MRE11: variants seen among roughly 807,000 people sequenced by gnomAD.
MRE11 encodes MRE11 double strand break repair nuclease.
A neutral mutation model predicts 91.7 loss-of-function variants in MRE11; 62 were observed. The observed-to-expected ratio is 0.68, with a 90% CI of 0.55 to 0.84. The LOEUF (loss-of-function observed/expected upper bound fraction) is 0.84, where lower values mean the gene tolerates loss of function less well. MRE11 is among the 40% of genes least tolerant of loss of function. The pLI is 0.00. For synonymous variants in MRE11, 273 were observed against 271.4 expected (o/e 1.01, Z -0.06); for missense variants, 796 against 852.9 (o/e 0.93, Z 0.83).
chr11:94,476,629 C>T (rs375117321), intron 6 of MRE11, among the ~76,000 whole-genome samples: 52 of 152,056 alleles, frequency 3.4e-4, no homozygotes, highest in East Asian at 1.9e-3. Flanking sequence ...TGGTCTCAAA[C>T]TCCTGGGCTC....
rs1253158974 is a variant in MRE11, at chr11:94,419,459, G to GGGGAGAGAGA, written c.*665_*666insTCTCTCTCCC. ...AGAAAGGAAGAGTGGGGAACGGGGG[G>GGGGAGAGAGA]GAGAGGGAGAGAGAGAGAGAGAGAG... On this transcript the variant is annotated 3_prime_UTR_variant, in exon 20 of 20. Transcript: ENST00000323929. 1.6e-5 allele frequency: 3 copies of GGGGAGAGAGA among 183,578 alleles called. No homozygotes were observed. The highest frequency in any genetic ancestry group is 7.1e-5 in the East Asian group (1 of 13,992). 11.4% of individuals were successfully genotyped at this position (183,578 alleles called of 1,614,324 possible). A position where few individuals can be genotyped will look rare whatever the true frequency, so the allele number is the denominator to read the frequency against.
Position 94,419,060 on chromosome 11 carries a change from T to C in MRE11, c.*1065A>G, listed in dbSNP as rs1008214423. On this transcript the variant is annotated 3_prime_UTR_variant, in exon 20 of 20. Coordinates refer to ENST00000323929, the MANE Select transcript of MRE11 (RefSeq NM_005591.4). ...CGCATAAAACTAGAAGAAGGAATAATCTCAGGGATCTTTTTACAGAGGATT... is the reference window on the plus strand; with the variant it reads ...CGCATAAAACTAGAAGAAGGAATAACCTCAGGGATCTTTTTACAGAGGATT... The C allele has an allele frequency of 4.3e-6, 1 of 231,948 alleles. No homozygotes were observed. Among genetic ancestry groups the C allele is most frequent in the Non-Finnish European group, 8.5e-6 (1 of 117,438 alleles). The allele number at this position is 231,948 out of a possible 1,614,324, so 14.4% of individuals were successfully genotyped here.
the MRE11 span, among the ~76,000 whole-genome samples, chr11:94,510,079 G>A: frequency 6.6e-6 from 1 of 152,020 alleles, no homozygotes; most frequent in African/African-American, 2.4e-5. Context: ...GACAGAACTG[G>A]TGTTATTTCA....
chr11:94,476,402 T>A lies in MRE11; in HGVS notation c.546A>T (p.Gly182=), dbSNP rs1279893053. The change falls in exon 7 of 20, where the codon GGA becomes GGT. Residue 182 remains glycine (G), a splice_region_variant and synonymous_variant. Coordinates refer to ENST00000323929, the MANE Select transcript of MRE11 (RefSeq NM_005591.4). ...GATAGAGCCTTTCATCTGGAATGGA[T>A]CCTGAAATGGACATTACATTATTTT... The part of the protein sequence containing the change: ...GSTKIALYGL[G]SIPDERLYRM... The A allele has an allele frequency of 1.3e-6, 2 of 1,571,898 alleles. No individual in the cohort carries two copies. Among genetic ancestry groups the A allele is most frequent in the South Asian group, 2.2e-5 (2 of 90,152 alleles).
At chr11:94,486,668 C>G (rs531808845) in intron 3 of MRE11, among the ~76,000 whole-genome samples, 1 of 152,226 alleles carries the variant, frequency 6.6e-6, no homozygotes, top group Non-Finnish European at 1.5e-5. Flanking sequence ...CTGGGGTGCA[C>G]TAGAATGGAC....
intron 14 of MRE11, among the ~76,000 whole-genome samples, chr11:94,453,654 A>G (rs913189912): frequency 1.3e-5 from 2 of 152,168 alleles, no homozygotes; most frequent in African/African-American, 4.8e-5. Context: ...CATTGTAAAA[A>G]TTGGGTTTTT....
At chr11:94,483,418 C>G (rs1054463988) in intron 4 of MRE11, among the ~76,000 whole-genome samples, 1 of 152,086 alleles carries the variant, frequency 6.6e-6, no homozygotes, top group Non-Finnish European at 1.5e-5. Flanking sequence ...GGAGGGGCCT[C>G]GTGGGAGATA....
In MRE11 at chr11:94,471,627, T is replaced by C. The variant is rs1310403798; in HGVS notation, c.792A>G (p.Ser264=). The C allele has an allele frequency of 1.2e-6, 2 of 1,612,752 alleles. No homozygotes were observed. Among genetic ancestry groups the C allele is most frequent in the Non-Finnish European group, 1.7e-6 (2 of 1,179,130 alleles). The part of the protein sequence containing the change: ...TKNEQQLFYI[S]QPGSSVVTSL... ...AAGTAACCACTGAGCTTCCAGGTTG[T>C]GAGATATAAAACAGCTGTTGTTCAT... The change falls in exon 8 of 20, where the codon TCA becomes TCG. Residue 264 remains serine, a synonymous_variant. Transcript: ENST00000323929.
At chr11:94,421,716 G>C (rs1033478956) in intron 19 of MRE11, among the ~76,000 whole-genome samples, 1 of 152,186 alleles carries the variant, frequency 6.6e-6, no homozygotes, top group African/African-American at 2.4e-5. Flanking sequence ...GGCAGCAGCA[G>C]CCAAAGCTAA....
At chr11:94,423,082 C>T (rs1450454324) in intron 19 of MRE11, among the ~76,000 whole-genome samples, 4 of 152,176 alleles carry the variant, frequency 2.6e-5, no homozygotes, top group Non-Finnish European at 5.9e-5. Flanking sequence ...GGCCAAGAAG[C>T]ACCACTGCCA....
intron 19 of MRE11, among the ~76,000 whole-genome samples, chr11:94,425,760 TATA>T (rs1297279441): frequency 3.3e-5 from 5 of 152,322 alleles, no homozygotes; most frequent in African/African-American, 9.6e-5. Flanking sequence ...AAAGGTATTA[TATA>T]ATGATAAACG....
rs1184690983 is a variant in MRE11 at position 94,416,834 on chromosome 11, G to C, written c.*3291C>G. On this transcript the variant is annotated 3_prime_UTR_variant, in exon 20 of 20. Coordinates refer to ENST00000323929, the MANE Select transcript of MRE11 (RefSeq NM_005591.4). The stretch of plus-strand genomic sequence containing the variant: ...CCCTCCAGCCTGGGCAAGAGTGCGA[G>C]ACTCCGTCTCAAAAAAAAAAAACAA... The C allele has an allele frequency of 6.8e-6, 1 of 146,284 alleles. No homozygotes were observed. The highest frequency in any genetic ancestry group is 2.5e-5 in the African/African-American group (1 of 39,460). 9.1% of individuals were successfully genotyped at this position (146,284 alleles called of 1,614,324 possible).
chr11:94,432,167 T>C (rs950035241), intron 18 of MRE11, among the ~76,000 whole-genome samples: 1 of 152,146 alleles, frequency 6.6e-6, no homozygotes, highest in Non-Finnish European at 1.5e-5. Flanking sequence ...TCCTGTTAAA[T>C]ACACATAAAT....
rs1164426035 is a variant in MRE11, at chr11:94,418,869, G to C, written c.*1256C>G. 4 of 231,008 alleles carry C rather than the reference G, an allele frequency of 1.7e-5. No homozygotes were observed. Among genetic ancestry groups the C allele is most frequent in the Non-Finnish European group, 3.4e-5 (4 of 116,852 alleles). The allele number at this position is 231,008 out of a possible 1,614,324, so 14.3% of individuals were successfully genotyped here. ...AGGCCTCTTCAAAAGTGCTATATGAGGCAGCCACTAACCAAGTGTCTGTCT... is the reference window on the plus strand; with the variant it reads ...AGGCCTCTTCAAAAGTGCTATATGACGCAGCCACTAACCAAGTGTCTGTCT... On this transcript the variant is annotated 3_prime_UTR_variant, in exon 20 of 20. Transcript: ENST00000323929.
chr11:94,509,198 A>C, the MRE11 span, among the ~76,000 whole-genome samples: 2 of 152,138 alleles, frequency 1.3e-5, no homozygotes, highest in Non-Finnish European at 2.9e-5. Context: ...TTCTGCATTT[A>C]TTTAGGTATT....
chr11:94,434,396 C>T (rs768525883), intron 18 of MRE11, among the ~76,000 whole-genome samples: 1 of 151,984 alleles, frequency 6.6e-6, no homozygotes, highest in Non-Finnish European at 1.5e-5. Flanking sequence ...CAGACTCAAC[C>T]ATACCCAAAA....
chr11:94,505,253 T>C, the MRE11 span, among the ~76,000 whole-genome samples: 1 of 152,182 alleles, frequency 6.6e-6, no homozygotes, highest in Non-Finnish European at 1.5e-5. Flanking sequence ...AGGCAGGTCC[T>C]TCAGGGAGTA....
In MRE11 at chr11:94,459,405, T is replaced by C. The variant is rs876660098; in HGVS notation, c.1500+3A>G. The stretch of plus-strand genomic sequence containing the variant: ...GACCTAGACACTCAAATTAGTTACT[T>C]ACCTCCTCATCGATTTTGTCTTCGA... On this transcript the variant is annotated splice_donor_region_variant and intron_variant, in intron 13 of 19. Coordinates refer to ENST00000323929, the MANE Select transcript of MRE11 (RefSeq NM_005591.4). 1 of 1,613,840 alleles carries C rather than the reference T, an allele frequency of 6.2e-7. No individual in the cohort carries two copies. Among genetic ancestry groups the C allele is most frequent in the Non-Finnish European group, 8.5e-7 (1 of 1,179,822 alleles).
At chr11:94,471,074 AT>A (rs1271170555) in intron 8 of MRE11, among the ~76,000 whole-genome samples, 1 of 152,068 alleles carries the variant, frequency 6.6e-6, no homozygotes, top group Non-Finnish European at 1.5e-5. Context: ...CTTTAACCCT[AT>A]TATCATTGTA....
Sources: gnomAD v4.1 joint callset for allele counts (sites outside exome capture counted in the v4.1 genomes callset) on GRCh38, gnomAD v4.1.1 for gene constraint, MANE v1.5 for transcripts, NCBI Gene and HGNC (gene_info 2026-07-23, HGNC 2026-07-21) for gene names.